Variants in STXBP6 observed in about 807,000 individuals in gnomAD.
The protein encoded by STXBP6 is syntaxin-binding protein 6.
Under a neutral mutation model 26.9 loss-of-function variants are expected in STXBP6, and 21 were observed. The ratio of observed to expected loss-of-function variants is 0.78; its 90% confidence interval spans 0.55 to 1.12. STXBP6 has a LOEUF of 1.12. Ranked by LOEUF, STXBP6 falls within the 50% of genes most tolerant of loss-of-function variation. The pLI, the probability that STXBP6 is intolerant of heterozygous loss-of-function variation, is 0.00. For missense variants in STXBP6, 232 were observed against 257.9 expected (o/e 0.90, Z 0.69); for synonymous variants, 97 against 92.6 (o/e 1.05, Z -0.27).
At chr14:24,833,068 C>T (rs940239042) in intron 4 of STXBP6, among the ~76,000 whole-genome samples, 2 of 152,186 alleles carry the variant, frequency 1.3e-5, no homozygotes, top group Admixed American at 6.5e-5. Flanking sequence ...AAACATCAGT[C>T]TTCTCTTTCA....
intron 1 of STXBP6, among the ~76,000 whole-genome samples, chr14:24,991,989 T>C (rs1203495514): frequency 1.3e-5 from 2 of 152,180 alleles, no homozygotes; most frequent in Non-Finnish European, 2.9e-5. Flanking sequence ...CTGGGCTACG[T>C]GCCACTCTTT....
intron 4 of STXBP6, among the ~76,000 whole-genome samples, chr14:24,841,487 C>T (rs758794364): frequency 1.3e-5 from 2 of 152,156 alleles, no homozygotes; most frequent in Non-Finnish European, 2.9e-5. Context: ...TTTTAGCCAT[C>T]ATCTTTTCAA....
intron 2 of STXBP6, among the ~76,000 whole-genome samples, chr14:24,861,487 T>C (rs1166857938): frequency 6.6e-6 from 1 of 152,090 alleles, no homozygotes; most frequent in Non-Finnish European, 1.5e-5. Context: ...TGAGAAATAA[T>C]TATTTGGAGC....
intron 1 of STXBP6, among the ~76,000 whole-genome samples, chr14:25,009,852 T>C (rs566829011): frequency 2.6e-5 from 4 of 152,210 alleles, no homozygotes; most frequent in Non-Finnish European, 5.9e-5. Flanking sequence ...AAAGCCATTA[T>C]TTACTTTTTC....
At chr14:24,856,775 T>C (rs1176719604) in intron 3 of STXBP6, among the ~76,000 whole-genome samples, 1 of 152,062 alleles carries the variant, frequency 6.6e-6, no homozygotes, top group African/African-American at 2.4e-5. Flanking sequence ...ACTTCGTACT[T>C]TGCTGATCAA....
chr14:24,861,688 G>GTTCAGAACATCA (rs1231244702), intron 2 of STXBP6, among the ~76,000 whole-genome samples: 3,214 of 152,284 alleles, frequency 0.021, 123 homozygotes, highest in African/African-American at 0.073. Flanking sequence ...TCAGAACAGG[G>GTTCAGAACATCA]AAACATCCTC....
intron 2 of STXBP6, among the ~76,000 whole-genome samples, chr14:24,964,680 T>TGTGTGTGTGTGTGTGC: frequency 6.6e-6 from 1 of 151,770 alleles, no homozygotes; most frequent in Non-Finnish European, 1.5e-5. Context: ...TGTGTGTGTG[T>TGTGTGTGTGTGTGTGC]GTATGTAAAG....
At chr14:24,871,759 C>G (rs2069944423) in intron 2 of STXBP6, among the ~76,000 whole-genome samples, 1 of 152,190 alleles carries the variant, frequency 6.6e-6, no homozygotes, top group African/African-American at 2.4e-5. Context: ...ATCACTAACT[C>G]AGGAACTCTG....
chr14:24,981,548 G>A (rs1279333238), intron 1 of STXBP6, among the ~76,000 whole-genome samples: 1 of 152,168 alleles, frequency 6.6e-6, no homozygotes, highest in East Asian at 1.9e-4. Flanking sequence ...GGGATTACAG[G>A]TGCGTGCCCA....
intron 2 of STXBP6, among the ~76,000 whole-genome samples, chr14:24,880,459 A>G (rs895082285): frequency 1.3e-5 from 2 of 152,156 alleles, no homozygotes; most frequent in African/African-American, 4.8e-5. Flanking sequence ...CAACGTGCAT[A>G]GAGAGGAAGA....
intron 4 of STXBP6, among the ~76,000 whole-genome samples, chr14:24,853,808 C>A (rs1174322852): frequency 1.3e-5 from 2 of 152,066 alleles, no homozygotes; most frequent in Non-Finnish European, 2.9e-5. Flanking sequence ...CCCATCTCAA[C>A]TCTGCATAAT....
Position 24,945,186 on chromosome 14 carries a change from C to T in STXBP6, c.154+29479G>A, listed in dbSNP as rs114557690. ...TTTTTTAGCAGATTCCTGACTCCCA[C>T]TTTCACAGATCATGGTTTGGCAAGT... is the stretch of plus-strand genomic sequence containing the variant. On this transcript the variant is annotated intron_variant, in intron 2 of 5. Transcript: ENST00000323944. Among the ~76,000 whole-genome samples the T allele has an allele frequency of 3.7e-3, 413 of 113,062 alleles. 3 individuals are homozygous for T. The highest frequency in any genetic ancestry group is 0.013 in the African/African-American group (383 of 28,848). The allele number at this position is 113,062 out of a possible 152,430, so 74.2% of individuals were successfully genotyped here.
chr14:24,887,835 T>C (rs925950098), intron 2 of STXBP6, among the ~76,000 whole-genome samples: 7 of 152,176 alleles, frequency 4.6e-5, no homozygotes, highest in African/African-American at 1.4e-4. Flanking sequence ...GCGTAAAGAA[T>C]ACATTTTTGG....
At position 24,918,452 on chromosome 14, in the gene STXBP6, C is replaced by CCACACACACACACACACA. The variant is rs55810129; in HGVS notation, c.154+56195_154+56212dup. ...TTATTTCTTAAAAACCACACCCCCA[C>CCACACACACACACACACA]CACACACACACACACACACACACAC... On this transcript the variant is annotated intron_variant, in intron 2 of 5. Transcript: ENST00000323944. 7.5e-5 allele frequency among the ~76,000 whole-genome samples: 10 copies of CCACACACACACACACACA among 133,476 alleles called. 1 individual carries two copies. Among genetic ancestry groups the CCACACACACACACACACA allele is most frequent in the East Asian group, 7.0e-4 (3 of 4,300 alleles). 87.6% of individuals were successfully genotyped at this position (133,476 alleles called of 152,430 possible).
chr14:25,028,635 T>C (rs557101058), intron 1 of STXBP6, among the ~76,000 whole-genome samples: 23 of 152,314 alleles, frequency 1.5e-4, no homozygotes, highest in African/African-American at 4.6e-4. Context: ...CTTCAGCCCA[T>C]GGATCAAGTG....
At chr14:25,009,479 C>T (rs1213390644) in intron 1 of STXBP6, among the ~76,000 whole-genome samples, 1 of 152,088 alleles carries the variant, frequency 6.6e-6, no homozygotes, top group Non-Finnish European at 1.5e-5. Context: ...GACCCAAAGC[C>T]CAAAGTGTTA....
intron 2 of STXBP6, chr14:24,878,582 A>G (rs941403622): frequency 1.8e-5 from 3 of 170,744 alleles, no homozygotes; most frequent in Non-Finnish European, 3.8e-5. Context: ...TACTGGGAGA[A>G]GACCTCAATT....
chr14:24,883,546 A>G (rs2070453465), intron 2 of STXBP6, among the ~76,000 whole-genome samples: 1 of 152,220 alleles, frequency 6.6e-6, no homozygotes, highest in African/African-American at 2.4e-5. Flanking sequence ...CATGAATGGT[A>G]GAAGCCTCAA....
intron 5 of STXBP6, chr14:24,816,115 C>T (rs1049709818): frequency 6.6e-6 from 1 of 152,182 alleles, no homozygotes; most frequent in Non-Finnish European, 1.5e-5. Flanking sequence ...TGGGGTTCGG[C>T]ACCCTTATTC....
Sources: gnomAD v4.1 joint callset for allele counts (sites outside exome capture counted in the v4.1 genomes callset) on GRCh38, gnomAD v4.1.1 for gene constraint, MANE v1.5 for transcripts, NCBI Gene and HGNC (gene_info 2026-07-23, HGNC 2026-07-21) for gene names.